GPR26: variants seen among roughly 807,000 people sequenced by gnomAD.
The protein encoded by GPR26 is G protein-coupled receptor 26.
A neutral mutation model predicts 23.1 loss-of-function variants in GPR26; 15 were observed. That is an observed-to-expected ratio of 0.65 (90% CI 0.43 to 1.00). The LOEUF (loss-of-function observed/expected upper bound fraction) is 1.00, where lower values mean the gene tolerates loss of function less well. GPR26 is among the 50% of genes least tolerant of loss of function. The pLI is 0.00. For missense variants in GPR26, 359 were observed against 470.5 expected, an observed-to-expected ratio of 0.76 and a Z score of 2.19; for synonymous variants, 228 against 222.1, an observed-to-expected ratio of 1.03 and a Z score of -0.24.
intron 2 of GPR26, among the ~76,000 whole-genome samples, chr10:123,676,118 C>T (rs981388885): frequency 2.1e-5 from 2 of 96,332 alleles, no homozygotes; most frequent in African/African-American, 4.5e-5. Flanking sequence ...CCTCTACTCA[C>T]AGGAGCCCCC....
At position 123,688,874 on chromosome 10, in the gene GPR26, G is replaced by A. The variant is rs1845459884; in HGVS notation, c.*714G>A. 1 of 152,562 alleles carries A rather than the reference G, an allele frequency of 6.6e-6. No homozygotes were observed. The highest frequency in any genetic ancestry group is 1.5e-5 in the Non-Finnish European group (1 of 68,370). The allele number at this position is 152,562 out of a possible 1,614,324, so 9.5% of individuals were successfully genotyped here. On this transcript the variant is annotated 3_prime_UTR_variant, in exon 3 of 3. Coordinates refer to ENST00000284674, the MANE Select transcript of GPR26 (RefSeq NM_153442.4). The stretch of plus-strand genomic sequence containing the variant: ...GTGCAGACAATCTTAGCATGAAAAT[G>A]GTTTAAATAGGCTGGTCCTACATGT...
At chr10:123,685,446 G>A (rs1167284095) in intron 2 of GPR26, among the ~76,000 whole-genome samples, 1 of 152,204 alleles carries the variant, frequency 6.6e-6, no homozygotes, top group African/African-American at 2.4e-5. Context: ...ACCTGCATGG[G>A]GCCGCGAGAA....
In GPR26 at chr10:123,694,943, G is replaced by A. The variant is rs923899379; in HGVS notation, c.*6783G>A. On this transcript the variant is annotated 3_prime_UTR_variant, in exon 3 of 3. Transcript: ENST00000284674. ...CTGAAGGGTTCGAATGTTTGTCTTCGGTAGGGAGTGCCACACATTTAATAT... is the reference window on the plus strand; with the variant it reads ...CTGAAGGGTTCGAATGTTTGTCTTCAGTAGGGAGTGCCACACATTTAATAT... Among the ~76,000 whole-genome samples, 10 of 152,228 alleles carry A rather than the reference G, an allele frequency of 6.6e-5. 1 individual carries two copies. Among genetic ancestry groups the A allele is most frequent in the Admixed American group, 3.9e-4 (6 of 15,298 alleles).
intron 2 of GPR26, among the ~76,000 whole-genome samples, chr10:123,681,509 C>G (rs373582587): frequency 3.3e-5 from 5 of 152,206 alleles, no homozygotes; most frequent in Non-Finnish European, 7.3e-5. Flanking sequence ...CGCTTCCACC[C>G]GCCTTGTACC....
rs944692550 is a variant in GPR26, at chr10:123,694,055, T to A, written c.*5895T>A. The A allele has an allele frequency of 1.3e-5, 2 of 152,464 alleles. No homozygotes were observed. The highest frequency in any genetic ancestry group is 4.8e-5 in the African/African-American group (2 of 41,444). 9.4% of individuals were successfully genotyped at this position (152,464 alleles called of 1,614,324 possible). A position where few individuals can be genotyped will look rare whatever the true frequency, so the allele number is the denominator to read the frequency against. On this transcript the variant is annotated 3_prime_UTR_variant, in exon 3 of 3. Transcript: ENST00000284674. Reference sequence around the variant, plus strand: ...CTCCAAACATTTACTGAACACCTACTGTGTGCCAGGCCCTGTGCTTTGTCA... The same window carrying A: ...CTCCAAACATTTACTGAACACCTACAGTGTGCCAGGCCCTGTGCTTTGTCA...
Position 123,693,634 on chromosome 10 carries a change from C to T in GPR26, c.*5474C>T, listed in dbSNP as rs1845512431. On this transcript the variant is annotated 3_prime_UTR_variant, in exon 3 of 3. Transcript: ENST00000284674. Reference sequence around the variant, plus strand: ...ATTAGCCCCCAAAAAGTTAGTCCAACCCCAGGCCAGCTGCCTTTGCTCTGC... The same window carrying T: ...ATTAGCCCCCAAAAAGTTAGTCCAATCCCAGGCCAGCTGCCTTTGCTCTGC... The T allele has an allele frequency of 6.6e-6, 1 of 152,354 alleles. No individual in the cohort carries two copies. Among genetic ancestry groups the T allele is most frequent in the African/African-American group, 2.4e-5 (1 of 41,464 alleles). The allele number at this position is 152,354 out of a possible 1,614,324, so 9.4% of individuals were successfully genotyped here.
At chr10:123,675,536 A>T (rs1197530265) in intron 2 of GPR26, among the ~76,000 whole-genome samples, 1 of 152,118 alleles carries the variant, frequency 6.6e-6, no homozygotes. Flanking sequence ...AGATTGCAAT[A>T]CACTAGCCTT....
intron 1 of GPR26, among the ~76,000 whole-genome samples, chr10:123,668,142 C>T (rs1292464160): frequency 6.6e-6 from 1 of 152,126 alleles, no homozygotes; most frequent in Non-Finnish European, 1.5e-5. Context: ...CCTGGGAACC[C>T]AGGGGAGCCT....
Position 123,695,016 on chromosome 10 carries a change from G to GA in GPR26, c.*6861dup, listed in dbSNP as rs1315332185. Among the ~76,000 whole-genome samples the GA allele has an allele frequency of 6.6e-6, 1 of 152,178 alleles. No individual in the cohort carries two copies. Among genetic ancestry groups the GA allele is most frequent in the Non-Finnish European group, 1.5e-5 (1 of 68,044 alleles). ...CTGCCACATACCCCCAGGACAAACG[G>GA]AAAAATCCACACAGCAGAAACAAGC... is the stretch of plus-strand genomic sequence containing the variant. On this transcript the variant is annotated 3_prime_UTR_variant, in exon 3 of 3. Coordinates refer to ENST00000284674, the MANE Select transcript of GPR26 (RefSeq NM_153442.4).
At chr10:123,671,300 G>A (rs1431785074) in intron 1 of GPR26, among the ~76,000 whole-genome samples, 1 of 152,156 alleles carries the variant, frequency 6.6e-6, no homozygotes, top group Admixed American at 6.5e-5. Flanking sequence ...GGAGCCGCTG[G>A]GGAACATCTC....
In GPR26 at chr10:123,688,357, C is replaced by T; in HGVS notation, c.*197C>T. The T allele has an allele frequency of 3.4e-6, 2 of 591,938 alleles. No individual in the cohort carries two copies. The highest frequency in any genetic ancestry group is 2.8e-5 in the East Asian group (1 of 35,574). 36.7% of individuals were successfully genotyped at this position (591,938 alleles called of 1,614,324 possible). A position where few individuals can be genotyped will look rare whatever the true frequency, so the allele number is the denominator to read the frequency against. On this transcript the variant is annotated 3_prime_UTR_variant, in exon 3 of 3. Transcript: ENST00000284674. ...CAGATATTGGACACTCCTTATTTGT[C>T]ACCAAAGGATGACTGTAGGCCGTGT... is the stretch of plus-strand genomic sequence containing the variant.
chr10:123,667,448 CGAGAG>C (rs1346876090), intron 1 of GPR26, among the ~76,000 whole-genome samples: 1 of 152,028 alleles, frequency 6.6e-6, no homozygotes, highest in East Asian at 1.9e-4. Flanking sequence ...TGATTCTGGC[CGAGAG>C]GGCGGCCTCG....
chr10:123,671,671 C>G (rs1424179303), intron 1 of GPR26, among the ~76,000 whole-genome samples: 1 of 152,150 alleles, frequency 6.6e-6, no homozygotes, highest in East Asian at 1.9e-4. Context: ...CCACCAGGCC[C>G]AGGGATGTTT....
rs1845548761 is a variant in GPR26 at position 123,696,777 on chromosome 10, A to C, written c.*8617A>C. On this transcript the variant is annotated 3_prime_UTR_variant, in exon 3 of 3. Transcript: ENST00000284674. ...CATAAGTCTGTGTGCCCGTGATCATATGCATATGGGTGAATGTTTGTGTGC... is the reference window on the plus strand; with the variant it reads ...CATAAGTCTGTGTGCCCGTGATCATCTGCATATGGGTGAATGTTTGTGTGC... Among the ~76,000 whole-genome samples the C allele has an allele frequency of 6.7e-6, 1 of 148,844 alleles. No individual in the cohort carries two copies. The highest frequency in any genetic ancestry group is 1.5e-5 in the Non-Finnish European group (1 of 65,722).
At chr10:123,682,639 C>T (rs965335696) in intron 2 of GPR26, among the ~76,000 whole-genome samples, 1 of 152,368 alleles carries the variant, frequency 6.6e-6, no homozygotes, top group Middle Eastern at 3.4e-3. Flanking sequence ...ATGCTCTCCA[C>T]AGCGATCTAC....
chr10:123,685,503 AC>A (rs751060159), intron 2 of GPR26, among the ~76,000 whole-genome samples: 2 of 151,914 alleles, frequency 1.3e-5, no homozygotes, highest in East Asian at 3.9e-4. Flanking sequence ...CATCCCAGCT[AC>A]CCCCCGCCAG....
In GPR26 at chr10:123,691,232, C is replaced by T. The variant is rs72841615; in HGVS notation, c.*3072C>T. The T allele has an allele frequency of 0.08, 12,183 of 152,006 alleles. 655 individuals carry two copies. The highest frequency in any genetic ancestry group is 0.19 in the South Asian group (892 of 4,790). 9.4% of individuals were successfully genotyped at this position (152,006 alleles called of 1,614,324 possible). ...TAGGGTTTGTCTCATGGTCAGCTCG[C>T]CTCTCAAAGATGGCTCACCAATCAC... On this transcript the variant is annotated 3_prime_UTR_variant, in exon 3 of 3. Coordinates refer to ENST00000284674, the MANE Select transcript of GPR26 (RefSeq NM_153442.4).
At chr10:123,683,086 G>C (rs1163826660) in intron 2 of GPR26, among the ~76,000 whole-genome samples, 1 of 114,888 alleles carries the variant, frequency 8.7e-6, no homozygotes, top group Non-Finnish European at 2.0e-5. Context: ...GAAGAGAGGA[G>C]AGATGATGGT....
At chr10:123,672,015 C>T (rs1008046464) in intron 1 of GPR26, among the ~76,000 whole-genome samples, 12 of 152,122 alleles carry the variant, frequency 7.9e-5, no homozygotes, top group African/African-American at 1.9e-4. Flanking sequence ...GCAAGAGGGC[C>T]GTGATGTTTC....
Sources: allele counts gnomAD v4.1 joint callset (sites outside exome capture counted in the v4.1 genomes callset), GRCh38; gene constraint gnomAD v4.1.1; transcripts MANE v1.5; gene names NCBI Gene and HGNC (gene_info 2026-07-23, HGNC 2026-07-21).